PLAAT3: variants seen among roughly 807,000 people sequenced by gnomAD.
The protein encoded by PLAAT3 is Ca-independent phospholipase A1/2.
Under a neutral mutation model 16.7 loss-of-function variants are expected in PLAAT3, and 21 were observed. That is an observed-to-expected ratio of 1.26 (90% CI 0.89 to 1.81). The LOEUF is 1.81. PLAAT3 is among the 40% of genes most tolerant of loss of function. PLAAT3 has a pLI of 0.00. For synonymous variants in PLAAT3, 76 were observed against 81.7 expected (o/e 0.93, Z 0.38); for missense variants, 219 against 213.7 (o/e 1.02, Z -0.16).
intron 2 of PLAAT3, among the ~76,000 whole-genome samples, chr11:63,613,360 G>A (rs1323559663): frequency 6.6e-6 from 1 of 152,096 alleles, no homozygotes; most frequent in Non-Finnish European, 1.5e-5. Flanking sequence ...GCAGTGAGCC[G>A]AGATCATGCC....
At chr11:63,597,793 C>A (rs1425000972) in intron 3 of PLAAT3, among the ~76,000 whole-genome samples, 1 of 152,212 alleles carries the variant, frequency 6.6e-6, no homozygotes, top group African/African-American at 2.4e-5. Context: ...ACCTCCTGCT[C>A]TGGAGCCCAG....
intron 3 of PLAAT3, among the ~76,000 whole-genome samples, chr11:63,591,502 G>T (rs1252212411): frequency 1.3e-5 from 2 of 152,198 alleles, no homozygotes; most frequent in African/African-American, 2.4e-5. Context: ...CCCTGTCAGG[G>T]TCAAGGCCCC....
chr11:63,587,884 T>C (rs1425836081), intron 4 of PLAAT3, among the ~76,000 whole-genome samples: 1 of 152,060 alleles, frequency 6.6e-6, no homozygotes. Context: ...TAAAGAGAGA[T>C]ACCAAGATGA....
At chr11:63,612,678 A>T (rs1474334580) in intron 2 of PLAAT3, among the ~76,000 whole-genome samples, 1 of 152,228 alleles carries the variant, frequency 6.6e-6, no homozygotes, top group Admixed American at 6.5e-5. Flanking sequence ...TTCATCTCTG[A>T]TACCATCCTA....
In PLAAT3 at chr11:63,598,159, T is replaced by G; in HGVS notation, c.20A>C (p.Glu7Ala). 6.2e-7 allele frequency: 1 copy of G among 1,612,234 alleles called. No individual in the cohort carries two copies. Among genetic ancestry groups the G allele is most frequent in the Non-Finnish European group, 8.5e-7 (1 of 1,178,284 alleles). ...CTCAATCAGGTCTCCAGGCTTAGGC[T>G]CTGGCTGCAAAACCAAGAACAGGGC... MRAPIP[E>A]PKPGDLIEIF... The change falls in exon 3 of 5, where the codon GAG becomes GCG. Residue 7 changes from glutamate to alanine, a missense_variant. Physicochemically the swap from Glu to Ala is moderately radical, Grantham distance 107. Transcript: ENST00000415826.
intron 4 of PLAAT3, among the ~76,000 whole-genome samples, chr11:63,577,296 C>A (rs541197218): frequency 1.3e-5 from 2 of 151,944 alleles, no homozygotes; most frequent in Non-Finnish European, 2.9e-5. Context: ...CTCAGCCTCC[C>A]GAGTAGCTGG....
chr11:63,585,518 G>C (rs1035473306), intron 4 of PLAAT3, among the ~76,000 whole-genome samples: 2 of 152,038 alleles, frequency 1.3e-5, no homozygotes, highest in African/African-American at 4.8e-5. Flanking sequence ...ATCCTACAGT[G>C]CACAGGACAG....
At chr11:63,583,425 A>G (rs1937879135) in intron 4 of PLAAT3, among the ~76,000 whole-genome samples, 1 of 152,240 alleles carries the variant, frequency 6.6e-6, no homozygotes, top group South Asian at 2.1e-4. Context: ...TGGTGTGAAA[A>G]CAAAAGCTGA....
At chr11:63,581,019 T>C (rs1325018504) in intron 4 of PLAAT3, among the ~76,000 whole-genome samples, 2 of 152,258 alleles carry the variant, frequency 1.3e-5, no homozygotes, top group African/African-American at 4.8e-5. Context: ...CATGGACATT[T>C]ATCACTTCCC....
chr11:63,602,579 T>C (rs1565255055), intron 2 of PLAAT3, among the ~76,000 whole-genome samples: 1 of 151,652 alleles, frequency 6.6e-6, no homozygotes, highest in Non-Finnish European at 1.5e-5. Flanking sequence ...CTAAGAATGG[T>C]TTGTACTTTT....
At chr11:63,587,815 C>A (rs1388619492) in intron 4 of PLAAT3, among the ~76,000 whole-genome samples, 1 of 152,082 alleles carries the variant, frequency 6.6e-6, no homozygotes, top group Non-Finnish European at 1.5e-5. Context: ...AGGATGTGAA[C>A]TACAGAGGAT....
intron 2 of PLAAT3, among the ~76,000 whole-genome samples, chr11:63,601,751 G>A (rs1416263412): frequency 6.6e-6 from 1 of 151,970 alleles, no homozygotes; most frequent in Non-Finnish European, 1.5e-5. Context: ...CAAGGTGGGC[G>A]GATCACCCGA....
chr11:63,581,736 T>G (rs931750511), intron 4 of PLAAT3, among the ~76,000 whole-genome samples: 9 of 152,190 alleles, frequency 5.9e-5, no homozygotes, highest in African/African-American at 2.2e-4. Context: ...GGCTGGGGGT[T>G]GTCATCACGG....
intron 4 of PLAAT3, among the ~76,000 whole-genome samples, chr11:63,578,064 C>T (rs1937668089): frequency 6.6e-6 from 1 of 152,142 alleles, no homozygotes; most frequent in Non-Finnish European, 1.5e-5. Context: ...AGGCAGATTG[C>T]TTGAGCTCAG....
chr11:63,593,611 C>T (rs1173558783), intron 3 of PLAAT3, among the ~76,000 whole-genome samples: 1 of 152,232 alleles, frequency 6.6e-6, no homozygotes, highest in Admixed American at 6.5e-5. Flanking sequence ...CTCTGTCACC[C>T]AGGCTGGAGT....
intron 2 of PLAAT3, among the ~76,000 whole-genome samples, chr11:63,609,093 C>T (rs1348886526): frequency 2.0e-5 from 3 of 152,184 alleles, no homozygotes; most frequent in East Asian, 3.8e-4. Context: ...AGACCGCTCT[C>T]GGACCAGGTG....
intron 3 of PLAAT3, among the ~76,000 whole-genome samples, chr11:63,591,520 C>T (rs1249370117): frequency 1.3e-5 from 2 of 152,186 alleles, no homozygotes; most frequent in East Asian, 3.9e-4. Context: ...CCCCAGGGTG[C>T]CACAGCAGCA....
intron 3 of PLAAT3, among the ~76,000 whole-genome samples, chr11:63,597,730 G>A (rs760645023): frequency 1.1e-4 from 16 of 152,120 alleles, no homozygotes; most frequent in Admixed American, 7.2e-4. Context: ...TAATACAAGC[G>A]ATGGGGAGCA....
intron 4 of PLAAT3, among the ~76,000 whole-genome samples, chr11:63,575,321 G>A (rs1041344880): frequency 1.3e-5 from 2 of 152,250 alleles, no homozygotes; most frequent in Admixed American, 6.5e-5. Flanking sequence ...AATCCTCAGA[G>A]CGTGGCTGTG....
Sources: allele counts gnomAD v4.1 joint callset (sites outside exome capture counted in the v4.1 genomes callset), GRCh38; gene constraint gnomAD v4.1.1; transcripts MANE v1.5; gene names NCBI Gene and HGNC (gene_info 2026-07-23, HGNC 2026-07-21).